Variants in AKAP4 observed in about 807,000 individuals in gnomAD.
AKAP4 encodes the protein A-kinase anchor protein 4.
AKAP4 carries 4 observed loss-of-function variants against 42.6 expected under a neutral mutation model. That is an observed-to-expected ratio of 0.09 (90% CI 0.05 to 0.22). AKAP4 has a LOEUF of 0.22. Ranked by LOEUF, AKAP4 falls within the 10% of genes least tolerant of loss-of-function variation. The pLI, the probability that AKAP4 is intolerant of heterozygous loss-of-function variation, is 1.00. For synonymous variants in AKAP4, 223 were observed against 233.0 expected (o/e 0.96, Z 0.39); for missense variants, 551 against 630.7 (o/e 0.87, Z 1.35).
intron 4 of AKAP4, 92 bp downstream of exon 4, chrX:50,196,796 ACAG>A: frequency 1.7e-6 from 1 of 604,616 alleles, no homozygotes; most frequent in Non-Finnish European, 2.7e-6. Context: ...AGCCTGTTTG[ACAG>A]TAAGTGTCTT....
At chrX:50,192,243 A>G (rs1436226524) in intron 5 of AKAP4, 61 bp downstream of exon 5, 18 of 989,766 alleles carry the variant, frequency 1.8e-5, no homozygotes, top group Non-Finnish European at 2.4e-5. Flanking sequence ...TCTAAGTACA[A>G]TGCTGCCTCC....
Position 50,193,675 on chromosome X carries a change from G to T in AKAP4, c.1038C>A (p.Val346=), listed in dbSNP as rs2146962181. 8.3e-7 allele frequency: 1 copy of T among 1,211,972 alleles called. No individual in the cohort carries two copies. Among genetic ancestry groups the T allele is most frequent in the Non-Finnish European group, 1.1e-6 (1 of 895,570 alleles). The change falls in exon 5 of 6, where the codon GTC becomes GTA. Residue 346 remains valine (V), a synonymous_variant. Coordinates refer to ENST00000358526, the MANE Select transcript of AKAP4 (RefSeq NM_003886.3). ...YANQVASDMM[V]SLMKTLKVHS... Reference sequence around the variant, plus strand: ...GCACTTTCAAGGTCTTCATGAGAGAGACCATCATGTCAGATGCCACCTGAT... The same window carrying T: ...GCACTTTCAAGGTCTTCATGAGAGATACCATCATGTCAGATGCCACCTGAT...
intron 5 of AKAP4, among the ~76,000 whole-genome samples, chrX:50,191,495 T>A (rs781831154): frequency 2.7e-5 from 3 of 110,887 alleles, no homozygotes; most frequent in Non-Finnish European, 5.7e-5. Flanking sequence ...CCCACCTCCC[T>A]AAAAAAGTAT....
At chrX:50,199,896 C>T (rs897810178) in intron 1 of AKAP4, among the ~76,000 whole-genome samples, 31 of 78,836 alleles carry the variant, frequency 3.9e-4, no homozygotes, top group Admixed American at 1.5e-4. Flanking sequence ...TTCTTTCCTT[C>T]CACCCCTTCT....
chrX:50,200,655 T>C (rs538831627), intron 1 of AKAP4, among the ~76,000 whole-genome samples: 1 of 112,257 alleles, frequency 8.9e-6, no homozygotes, highest in African/African-American at 3.2e-5. Context: ...AACAATCTAA[T>C]CATACCCCTA....
chrX:50,192,197 G>A lies in AKAP4; in HGVS notation c.2409+107C>T. 1.1e-5 allele frequency: 8 copies of A among 733,857 alleles called. No individual in the cohort carries two copies. In the South Asian group the frequency reaches 1.2e-4, roughly 11 times the overall value. 60.5% of individuals were successfully genotyped at this position (733,857 alleles called of 1,213,427 possible). On this transcript the variant is annotated intron_variant, in intron 5 of 5. Coordinates refer to ENST00000358526, the MANE Select transcript of AKAP4 (RefSeq NM_003886.3). Reference sequence around the variant, plus strand: ...GTGAAAGTAATTCATGAAGCACACGGTAAAGAATAGACTTGAAACTCGAAT... The same window carrying A: ...GTGAAAGTAATTCATGAAGCACACGATAAAGAATAGACTTGAAACTCGAAT...
intron 1 of AKAP4, chrX:50,200,207 A>C: frequency 1.3e-6 from 1 of 753,207 alleles, no homozygotes; most frequent in Non-Finnish European, 1.6e-6. Flanking sequence ...AACTGTGAAA[A>C]ATAAAATTTA....
At chrX:50,194,966 G>A (rs1337774693) in intron 4 of AKAP4, among the ~76,000 whole-genome samples, 1 of 111,996 alleles carries the variant, frequency 8.9e-6, no homozygotes, top group African/African-American at 3.2e-5. Flanking sequence ...CAAAATATGA[G>A]TGTCTATGTC....
rs1404875058 is a variant in AKAP4 at position 50,194,080 on chromosome X, T to G, written c.633A>C (p.Glu211Asp). ...AGAAGGAAAGGTCATCTATAGAACATTCTCCATCAGGGGAAATGACTGCTC... is the reference window on the plus strand; with the variant it reads ...AGAAGGAAAGGTCATCTATAGAACAGTCTCCATCAGGGGAAATGACTGCTC... ...TQRAVISPDG[E>D]CSIDDLSFYV... is the part of the protein sequence containing the mutation. The change falls in exon 5 of 6, where the codon GAA becomes GAC. Residue 211 changes from glutamate to aspartate, a missense_variant. Coordinates refer to ENST00000358526, the MANE Select transcript of AKAP4 (RefSeq NM_003886.3). 8.3e-7 allele frequency: 1 copy of G among 1,209,779 alleles called. No homozygotes were observed. Among genetic ancestry groups the G allele is most frequent in the Non-Finnish European group, 1.1e-6 (1 of 895,038 alleles).
At position 50,190,970 on chromosome X, in the gene AKAP4, G is replaced by A. The variant is rs1935099478; in HGVS notation, c.2555C>T (p.Ala852Val). The change falls in exon 6 of 6, where the codon GCT becomes GTT. Residue 852 changes from alanine (A) to valine (V), a missense_variant. Coordinates refer to ENST00000358526, the MANE Select transcript of AKAP4 (RefSeq NM_003886.3). ...ARKQLLDWLL[A>V]NL ...GAGTCAAGGATCAGCTCACAGGTTA[G>A]CGAGCAGCCAGTCCAGCAACTGTTT... The A allele has an allele frequency of 1.7e-6, 2 of 1,210,526 alleles. No individual in the cohort carries two copies. Among genetic ancestry groups the A allele is most frequent in the East Asian group, 5.9e-5 (2 of 33,786 alleles).
Position 50,198,767 on chromosome X carries a change from AAAAG to A in AKAP4, c.28-19_28-16del. On this transcript the variant is annotated splice_polypyrimidine_tract_variant and intron_variant, in intron 1 of 5. Transcript: ENST00000358526. ...TCATCAGACATCTGGAAAGAGAAAG[AAAAG>A]AAAGCTGAAATGCTTATATATGGTT... 3 of 1,168,351 alleles carry A rather than the reference AAAAG, an allele frequency of 2.6e-6. No homozygotes were observed. The highest frequency in any genetic ancestry group is 3.5e-6 in the Non-Finnish European group (3 of 860,090).
intron 1 of AKAP4, among the ~76,000 whole-genome samples, chrX:50,199,715 G>A (rs1272393743): frequency 9.7e-6 from 1 of 102,720 alleles, no homozygotes; most frequent in African/African-American, 3.6e-5. Context: ...AAGTATTAGA[G>A]GGCTATTGAA....
At position 50,193,749 on chromosome X, in the gene AKAP4, T is replaced by C; in HGVS notation, c.964A>G (p.Ser322Gly). 8.3e-7 allele frequency: 1 copy of C among 1,209,772 alleles called. No individual in the cohort carries two copies. The highest frequency in any genetic ancestry group is 1.1e-6 in the Non-Finnish European group (1 of 894,540). Residue 322 changes from serine to glycine, a missense_variant, in exon 5 of 6, where the codon AGC (serine) becomes GGC (glycine). Physicochemically the swap from Ser to Gly is moderately conservative, Grantham distance 56. Transcript: ENST00000358526. ...CTGATGGAATCTGCAAATTCTTTGC[T>C]CTCTCTCTGGGACATCTGTTTGTCT... ...SGDKQMSQRE[S>G]KEFADSISKG...
chrX:50,199,344 A>G (rs1235316403), intron 1 of AKAP4, among the ~76,000 whole-genome samples: 1 of 111,419 alleles, frequency 9.0e-6, no homozygotes, highest in African/African-American at 3.3e-5. Context: ...ATTTCAATAT[A>G]TAGAACAAGA....
intron 1 of AKAP4, 24 bp downstream of exon 1, chrX:50,200,839 C>CA: frequency 4.2e-6 from 5 of 1,200,533 alleles, no homozygotes; most frequent in Non-Finnish European, 5.6e-6. Context: ...CTTAGCTAGT[C>CA]AAAAAGAAGT....
intron 5 of AKAP4, among the ~76,000 whole-genome samples, chrX:50,191,619 GGTGTGT>G (rs34737063): frequency 2.3e-4 from 20 of 85,785 alleles, no homozygotes; most frequent in African/African-American, 7.8e-4. Context: ...CTGTCAGATA[GGTGTGT>G]GTGTGTGTGT....
chrX:50,200,070 C>G (rs185039543), intron 1 of AKAP4, among the ~76,000 whole-genome samples: 51 of 105,799 alleles, frequency 4.8e-4, no homozygotes, highest in Non-Finnish European at 8.7e-4. Flanking sequence ...TAGGAAAAGA[C>G]TCACTCTGAA....
chrX:50,191,620 G>GTGTGTGTGTA (rs1491445597), intron 5 of AKAP4, among the ~76,000 whole-genome samples: 8 of 29,008 alleles, frequency 2.8e-4, no homozygotes, highest in African/African-American at 2.3e-3. Flanking sequence ...TGTCAGATAG[G>GTGTGTGTGTA]TGTGTGTGTG....
chrX:50,193,842 C>T lies in AKAP4; in HGVS notation c.871G>A (p.Glu291Lys). 1 of 1,211,923 alleles carries T rather than the reference C, an allele frequency of 8.3e-7. No individual in the cohort carries two copies. The highest frequency in any genetic ancestry group is 1.1e-6 in the Non-Finnish European group (1 of 895,556). ...TTCTGGCCACCTTCCCTGGACTCCT[C>T]TCCAGTGCCACGCATTTCTGCAGCT... is the stretch of plus-strand genomic sequence containing the variant. ...LTAAEMRGTG[E>K]ESREGGQKSF... Residue 291 changes from glutamate to lysine, a missense_variant, in exon 5 of 6, where the codon GAG becomes AAG. Physicochemically the swap from Glu to Lys is moderately conservative, Grantham distance 56. Coordinates refer to ENST00000358526, the MANE Select transcript of AKAP4 (RefSeq NM_003886.3).
Sources: gnomAD v4.1 joint callset for allele counts (sites outside exome capture counted in the v4.1 genomes callset) on GRCh38, gnomAD v4.1.1 for gene constraint, MANE v1.5 for transcripts, NCBI Gene and HGNC (gene_info 2026-07-23, HGNC 2026-07-21) for gene names.